The following ARHGAP15 variants were observed in gnomAD, a reference collection of about 807,000 sequenced individuals.
ARHGAP15 encodes the protein rho GTPase-activating protein 15.
ARHGAP15 carries 51 observed loss-of-function variants against 63.7 expected under a neutral mutation model. The observed-to-expected ratio is 0.80, with a 90% confidence interval of 0.64 to 1.01. The LOEUF is 1.01. ARHGAP15 is among the 50% of genes least tolerant of loss of function. The pLI is 0.00. For synonymous variants in ARHGAP15, 191 were observed against 193.8 expected, an observed-to-expected ratio of 0.99 and a Z score of 0.12; for missense variants, 560 against 564.6, an observed-to-expected ratio of 0.99 and a Z score of 0.08.
At chr2:143,729,727 T>C (rs978687724) in intron 13 of ARHGAP15, among the ~76,000 whole-genome samples, 2 of 152,224 alleles carry the variant, frequency 1.3e-5, no homozygotes, top group South Asian at 2.1e-4. Flanking sequence ...CAAGCTAAGA[T>C]AGATCACAGC....
chr2:143,231,301 T>C (rs1012158442), intron 5 of ARHGAP15, among the ~76,000 whole-genome samples: 2 of 151,964 alleles, frequency 1.3e-5, no homozygotes, highest in African/African-American at 2.4e-5. Context: ...CAATAGAGAG[T>C]ATAATTATAT....
chr2:143,344,988 C>T (rs562474608), intron 6 of ARHGAP15, among the ~76,000 whole-genome samples: 32 of 152,172 alleles, frequency 2.1e-4, no homozygotes, highest in African/African-American at 6.7e-4. Flanking sequence ...CTGATTTTCT[C>T]AGAAGGCCTC....
chr2:143,609,621 A>C (rs1698176827), intron 11 of ARHGAP15, among the ~76,000 whole-genome samples: 1 of 152,072 alleles, frequency 6.6e-6, no homozygotes, highest in Non-Finnish European at 1.5e-5. Context: ...TTCTCTAGGC[A>C]TTTGCACTTC....
At chr2:143,738,559 C>T (rs1452609101) in intron 13 of ARHGAP15, among the ~76,000 whole-genome samples, 3 of 152,188 alleles carry the variant, frequency 2.0e-5, no homozygotes, top group African/African-American at 7.2e-5. Context: ...AACTGATCAT[C>T]ATTATTTATG....
intron 9 of ARHGAP15, among the ~76,000 whole-genome samples, chr2:143,514,133 GAC>G (rs1693706105): frequency 6.6e-6 from 1 of 152,278 alleles, no homozygotes; most frequent in Non-Finnish European, 1.5e-5. Context: ...AGCTGCTTGT[GAC>G]AGTTATTCTG....
chr2:143,381,255 T>C (rs2104941439), intron 6 of ARHGAP15, among the ~76,000 whole-genome samples: 1 of 152,236 alleles, frequency 6.6e-6, no homozygotes. Flanking sequence ...ATTTATATTC[T>C]CCCCAGATGA....
chr2:143,146,759 G>C (rs1244573262), intron 1 of ARHGAP15, among the ~76,000 whole-genome samples: 1 of 152,014 alleles, frequency 6.6e-6, no homozygotes, highest in African/African-American at 2.4e-5. Context: ...CACAACAATA[G>C]ACTATGACAT....
At chr2:143,635,896 C>G (rs1680287499) in intron 12 of ARHGAP15, among the ~76,000 whole-genome samples, 1 of 151,920 alleles carries the variant, frequency 6.6e-6, no homozygotes, top group South Asian at 2.1e-4. Flanking sequence ...TGAGTGTTTT[C>G]TTTTCATTGG....
intron 11 of ARHGAP15, among the ~76,000 whole-genome samples, chr2:143,621,728 G>T (rs887054389): frequency 6.6e-6 from 1 of 151,954 alleles, no homozygotes; most frequent in African/African-American, 2.4e-5. Flanking sequence ...ATAATCAAAT[G>T]GTATCTATTC....
At position 143,542,659 on chromosome 2, in the gene ARHGAP15, T is replaced by G. The variant is rs899315279; in HGVS notation, c.926-13749T>G. ...TTTAAAATATATATATGATATATAT[T>G]ATATATATGATATATATGATATGAT... On this transcript the variant is annotated intron_variant, in intron 10 of 13. Transcript: ENST00000295095. Among the ~76,000 whole-genome samples the G allele has an allele frequency of 3.8e-5, 5 of 130,376 alleles. No homozygotes were observed. In the East Asian group the frequency reaches 7.8e-4, roughly 20 times the overall value. The allele number at this position is 130,376 out of a possible 152,430, so 85.5% of individuals were successfully genotyped here. A position where few individuals can be genotyped will look rare whatever the true frequency, so the allele number is the denominator to read the frequency against.
At chr2:143,717,901 T>C (rs1383493013) in intron 13 of ARHGAP15, among the ~76,000 whole-genome samples, 1 of 151,790 alleles carries the variant, frequency 6.6e-6, no homozygotes, top group Non-Finnish European at 1.5e-5. Context: ...TTGTGAAGGA[T>C]CTTCTGGGGT....
At chr2:143,712,576 A>G (rs776103732) in intron 13 of ARHGAP15, among the ~76,000 whole-genome samples, 18 of 152,212 alleles carry the variant, frequency 1.2e-4, no homozygotes, top group Admixed American at 5.2e-4. Context: ...ACAGATTCCT[A>G]GAGACTTCTA....
intron 6 of ARHGAP15, among the ~76,000 whole-genome samples, chr2:143,424,395 T>A (rs1221111550): frequency 6.6e-6 from 1 of 152,044 alleles, no homozygotes. Context: ...TTTAAAAAAA[T>A]GAGAAATGGT....
intron 9 of ARHGAP15, among the ~76,000 whole-genome samples, chr2:143,509,168 G>C (rs769917925): frequency 6.6e-6 from 1 of 152,158 alleles, no homozygotes; most frequent in Non-Finnish European, 1.5e-5. Context: ...ATTATCACCA[G>C]AGACTTTAGA....
At chr2:143,330,106 A>T (rs1355765447) in intron 6 of ARHGAP15, among the ~76,000 whole-genome samples, 1 of 80,808 alleles carries the variant, frequency 1.2e-5, no homozygotes, top group Non-Finnish European at 2.4e-5. Flanking sequence ...AAAAAAAAAA[A>T]AAAAAAAAAA....
intron 6 of ARHGAP15, among the ~76,000 whole-genome samples, chr2:143,316,431 T>G (rs1683712789): frequency 6.6e-6 from 1 of 151,540 alleles, no homozygotes; most frequent in African/African-American, 2.4e-5. Context: ...ACATCCAAGC[T>G]AGGTGCTAGA....
intron 6 of ARHGAP15, among the ~76,000 whole-genome samples, chr2:143,290,425 A>G (rs1682333423): frequency 6.6e-6 from 1 of 152,090 alleles, no homozygotes; most frequent in South Asian, 2.1e-4. Flanking sequence ...CCCATCCAAA[A>G]AAAGAAAAAA....
intron 11 of ARHGAP15, among the ~76,000 whole-genome samples, chr2:143,612,567 T>C (rs1406595199): frequency 6.6e-6 from 1 of 152,132 alleles, no homozygotes; most frequent in Non-Finnish European, 1.5e-5. Context: ...ATTCCACACA[T>C]TGTGTTCATG....
At chr2:143,443,457 A>G (rs1164813058) in intron 8 of ARHGAP15, among the ~76,000 whole-genome samples, 3 of 151,218 alleles carry the variant, frequency 2.0e-5, no homozygotes, top group Non-Finnish European at 4.4e-5. Context: ...CAAAATAACT[A>G]GCGCCACTCT....
Sources: allele counts gnomAD v4.1 joint callset (sites outside exome capture counted in the v4.1 genomes callset), GRCh38; gene constraint gnomAD v4.1.1; transcripts MANE v1.5; gene names NCBI Gene and HGNC (gene_info 2026-07-23, HGNC 2026-07-21).